Variants in DPP10 observed in about 807,000 individuals in gnomAD.
DPP10 encodes dipeptidyl peptidase like 10.
In DPP10, 33 loss-of-function variants were observed where a neutral mutation model predicts 120.9. That is an observed-to-expected ratio of 0.27 (90% CI 0.21 to 0.37). The LOEUF (loss-of-function observed/expected upper bound fraction) is 0.37. Ranked by LOEUF, DPP10 falls within the 10% of genes least tolerant of loss-of-function variation. The pLI is 1.00. For synonymous variants in DPP10, 337 were observed against 326.1 expected (o/e 1.03, Z -0.36); for missense variants, 816 against 942.8 (o/e 0.87, Z 1.76).
intron 1 of DPP10, among the ~76,000 whole-genome samples, chr2:114,448,007 C>T (rs1406828374): frequency 6.6e-6 from 1 of 152,130 alleles, no homozygotes. Context: ...TCACCACTTA[C>T]AATTTCCATT....
At chr2:115,482,272 A>T (rs2075482673) in intron 3 of DPP10, among the ~76,000 whole-genome samples, 1 of 150,442 alleles carries the variant, frequency 6.6e-6, no homozygotes, top group Non-Finnish European at 1.5e-5. Flanking sequence ...TGTATACATC[A>T]TAATGTTATA....
chr2:115,287,415 A>G (rs1281321435), intron 1 of DPP10, among the ~76,000 whole-genome samples: 3 of 152,054 alleles, frequency 2.0e-5, no homozygotes, highest in Non-Finnish European at 2.9e-5. Flanking sequence ...ATTGTATTCA[A>G]TAGGTAATTT....
rs995254606 is a variant in DPP10, at chr2:115,102,688, C to T, written c.61-206551C>T. Reference sequence around the variant, plus strand: ...CCTCCCAAGGTGCCGGGATTAGAGGCGTGAGCCACCACGCCCGGCCATGGG... The same window carrying T: ...CCTCCCAAGGTGCCGGGATTAGAGGTGTGAGCCACCACGCCCGGCCATGGG... On this transcript the variant is annotated intron_variant, in intron 1 of 25. Transcript: ENST00000410059. 5.3e-5 allele frequency among the ~76,000 whole-genome samples: 8 copies of T among 150,992 alleles called. No homozygotes were observed. In the East Asian group the frequency reaches 5.9e-4, roughly 11 times the overall value.
At chr2:115,135,473 T>G (rs1314714212) in intron 1 of DPP10, among the ~76,000 whole-genome samples, 1 of 152,106 alleles carries the variant, frequency 6.6e-6, no homozygotes, top group Admixed American at 6.6e-5. Context: ...ATTTTCAAGG[T>G]CAGCGAAAAA....
chr2:115,541,518 T>TA (rs2079170438), intron 5 of DPP10, among the ~76,000 whole-genome samples: 1 of 151,766 alleles, frequency 6.6e-6, no homozygotes, highest in African/African-American at 2.4e-5. Flanking sequence ...GAGAGATTTT[T>TA]AAAATTTAAC....
chr2:115,205,130 A>T (rs1012308821), intron 1 of DPP10, among the ~76,000 whole-genome samples: 1 of 152,030 alleles, frequency 6.6e-6, no homozygotes, highest in African/African-American at 2.4e-5. Flanking sequence ...TTTTTGTTGC[A>T]GTTGAATTTG....
At chr2:114,468,730 G>T (rs1045049850) in intron 1 of DPP10, among the ~76,000 whole-genome samples, 1 of 152,150 alleles carries the variant, frequency 6.6e-6, no homozygotes, top group Non-Finnish European at 1.5e-5. Context: ...TGCTTCGAAA[G>T]AAAAGCAGAT....
At position 114,461,427 on chromosome 2, in the gene DPP10, C is replaced by T. The variant is rs910716702; in HGVS notation, c.60+18589C>T. The T allele has an allele frequency of 1.2e-5, 3 of 248,368 alleles. No individual in the cohort carries two copies. The Admixed American group carries it at 2.0e-4, about 16-fold the overall frequency. 15.4% of individuals were successfully genotyped at this position (248,368 alleles called of 1,614,324 possible). On this transcript the variant is annotated intron_variant, in intron 1 of 25. Coordinates refer to ENST00000410059, the MANE Select transcript of DPP10 (RefSeq NM_020868.6). Reference sequence around the variant, plus strand: ...ATCCCATTGGTTCACCAGGAGAGAACAATTTTGTTTTCCATGGTTGCGGTC... The same window carrying T: ...ATCCCATTGGTTCACCAGGAGAGAATAATTTTGTTTTCCATGGTTGCGGTC...
intron 1 of DPP10, among the ~76,000 whole-genome samples, chr2:115,286,513 AATAT>A (rs70941041): frequency 2.6e-5 from 1 of 38,542 alleles, no homozygotes; most frequent in African/African-American, 7.3e-5. Context: ...TTACATATAT[AATAT>A]ATATATATAA....
chr2:115,810,182 G>T (rs1274182547), intron 19 of DPP10, among the ~76,000 whole-genome samples: 1 of 150,144 alleles, frequency 6.7e-6, no homozygotes, highest in Non-Finnish European at 1.5e-5. Context: ...AAAAAGTACT[G>T]CCCTGATAAT....
At chr2:114,619,326 G>A (rs1434585027) in intron 1 of DPP10, among the ~76,000 whole-genome samples, 4 of 151,748 alleles carry the variant, frequency 2.6e-5, no homozygotes, top group African/African-American at 9.7e-5. Flanking sequence ...TTAAGTCAAA[G>A]CTAGAAGTAT....
At chr2:114,939,485 T>G (rs527957049) in intron 1 of DPP10, among the ~76,000 whole-genome samples, 1 of 152,172 alleles carries the variant, frequency 6.6e-6, no homozygotes, top group African/African-American at 2.4e-5. Context: ...TTATTGTGAC[T>G]ACCTTAATAG....
intron 11 of DPP10, among the ~76,000 whole-genome samples, chr2:115,758,798 A>T (rs988608270): frequency 6.6e-5 from 10 of 152,170 alleles, no homozygotes; most frequent in Non-Finnish European, 1.3e-4. Flanking sequence ...ACCCACATTT[A>T]TATGATTGAT....
At chr2:115,816,063 A>G (rs1182453186) in intron 21 of DPP10, among the ~76,000 whole-genome samples, 1 of 152,104 alleles carries the variant, frequency 6.6e-6, no homozygotes. Flanking sequence ...ACAGTCAGTC[A>G]TTTATTAATT....
intron 1 of DPP10, among the ~76,000 whole-genome samples, chr2:115,112,263 C>T (rs2104686521): frequency 6.6e-6 from 1 of 151,860 alleles, no homozygotes; most frequent in East Asian, 1.9e-4. Context: ...CTTTTTGTTT[C>T]CTGGGACATT....
At chr2:114,972,328 T>C (rs561823863) in intron 1 of DPP10, among the ~76,000 whole-genome samples, 2 of 152,312 alleles carry the variant, frequency 1.3e-5, no homozygotes, top group African/African-American at 4.8e-5. Context: ...TGCAAACTGA[T>C]GGAGATTGAA....
chr2:115,532,751 C>G (rs2078547307), intron 5 of DPP10, among the ~76,000 whole-genome samples: 2 of 151,488 alleles, frequency 1.3e-5, no homozygotes, highest in Non-Finnish European at 2.9e-5. Flanking sequence ...ATGTTAAAAC[C>G]TTGATGATCA....
intron 1 of DPP10, among the ~76,000 whole-genome samples, chr2:115,162,820 C>T (rs1185262627): frequency 6.6e-6 from 1 of 152,108 alleles, no homozygotes; most frequent in African/African-American, 2.4e-5. Flanking sequence ...TCGTGGATCC[C>T]CATCTCGTCT....
At chr2:115,223,724 G>T (rs1402671140) in intron 1 of DPP10, among the ~76,000 whole-genome samples, 1 of 152,106 alleles carries the variant, frequency 6.6e-6, no homozygotes, top group Non-Finnish European at 1.5e-5. Flanking sequence ...AAAGCTGTTG[G>T]GACCAGACTA....
Sources: gnomAD v4.1 joint callset for allele counts (sites outside exome capture counted in the v4.1 genomes callset) on GRCh38, gnomAD v4.1.1 for gene constraint, MANE v1.5 for transcripts, NCBI Gene and HGNC (gene_info 2026-07-23, HGNC 2026-07-21) for gene names.